PRP4K: variants seen among roughly 807,000 people sequenced by gnomAD.
PRP4K encodes the protein pre-mRNA processing factor kinase PRP4K.
the PRP4K span, among the ~76,000 whole-genome samples, chr6:4,038,055 G>A: frequency 6.6e-6 from 1 of 151,818 alleles, no homozygotes; most frequent in Admixed American, 6.5e-5. Context: ...ATAAAGCAGG[G>A]AATCATTTTT....
the PRP4K span, chr6:4,056,390 A>G: frequency 9.9e-6 from 16 of 1,614,034 alleles, no homozygotes; most frequent in Non-Finnish European, 1.3e-5. Context: ...GGATAATGAC[A>G]TAACACCTTA....
At chr6:4,043,891 C>T in the PRP4K span, 1 of 1,614,020 alleles carries the variant, frequency 6.2e-7, no homozygotes, top group Non-Finnish European at 8.5e-7. Flanking sequence ...TACGAGAACA[C>T]GATCACCATC....
the PRP4K span, chr6:4,049,214 A>G: frequency 2.0e-6 from 2 of 1,022,656 alleles, no homozygotes; most frequent in African/African-American, 1.7e-5. Flanking sequence ...ATCACATCAC[A>G]GTGCCATCTT....
chr6:4,053,552 G>A, the PRP4K span, among the ~76,000 whole-genome samples: 1 of 74,376 alleles, frequency 1.3e-5, no homozygotes, highest in Non-Finnish European at 2.8e-5. Context: ...GTGACTTCTG[G>A]TGGTAACAGC....
chr6:4,056,143 A>G, the PRP4K span, among the ~76,000 whole-genome samples: 1 of 152,254 alleles, frequency 6.6e-6, no homozygotes, highest in Non-Finnish European at 1.5e-5. Flanking sequence ...TATTTGATAC[A>G]TATTAACTTT....
chr6:4,024,359 A>G, the PRP4K span, among the ~76,000 whole-genome samples: 2 of 152,074 alleles, frequency 1.3e-5, no homozygotes, highest in African/African-American at 4.8e-5. Context: ...ATACATTTTA[A>G]CTTGTCAGAG....
the PRP4K span, among the ~76,000 whole-genome samples, chr6:4,048,378 CAA>C: frequency 5.1e-3 from 504 of 98,892 alleles, 6 homozygotes; most frequent in Admixed American, 0.03. Flanking sequence ...GACTCCGTCT[CAA>C]AAAAAAAAAA....
chr6:4,032,187 A>G, the PRP4K span: 1 of 1,614,012 alleles, frequency 6.2e-7, no homozygotes. Context: ...GAAAAAATCT[A>G]AAAGCCCATC....
chr6:4,028,442 A>G, the PRP4K span, among the ~76,000 whole-genome samples: 5 of 152,144 alleles, frequency 3.3e-5, no homozygotes, highest in African/African-American at 1.2e-4. Flanking sequence ...CCTGGGCTCA[A>G]GGAATCCTCC....
At chr6:4,050,837 C>G in the PRP4K span, among the ~76,000 whole-genome samples, 1 of 152,158 alleles carries the variant, frequency 6.6e-6, no homozygotes, top group Admixed American at 6.5e-5. Flanking sequence ...AGAATTTCCT[C>G]AGATAACCAA....
the PRP4K span, chr6:4,037,369 C>T: frequency 6.6e-7 from 1 of 1,518,602 alleles, no homozygotes; most frequent in Non-Finnish European, 8.8e-7. Context: ...ATTTATATTT[C>T]TTTTAACTTG....
chr6:4,064,351 C>T, the PRP4K span: 1 of 152,404 alleles, frequency 6.6e-6, no homozygotes, highest in Admixed American at 6.6e-5. Context: ...TCCATATTTG[C>T]ATTCCTCTTA....
At chr6:4,048,902 G>T in the PRP4K span, 128 of 548,316 alleles carry the variant, frequency 2.3e-4, no homozygotes, top group Middle Eastern at 1.5e-3. Flanking sequence ...TATTTAATTT[G>T]GAATAAAATG....
At chr6:4,056,641 A>G in the PRP4K span, 14 of 1,575,670 alleles carry the variant, frequency 8.9e-6, no homozygotes, top group Non-Finnish European at 1.2e-5. Flanking sequence ...GTAGCAAAAC[A>G]GTTGTGGAAA....
the PRP4K span, among the ~76,000 whole-genome samples, chr6:4,036,418 C>T: frequency 6.6e-6 from 1 of 152,146 alleles, no homozygotes; most frequent in Non-Finnish European, 1.5e-5. Flanking sequence ...GATAGGGTTT[C>T]GCCATGTTAC....
the PRP4K span, among the ~76,000 whole-genome samples, chr6:4,024,453 C>T: frequency 6.6e-6 from 1 of 152,174 alleles, no homozygotes; most frequent in Admixed American, 6.5e-5. Flanking sequence ...AATTGTCTAG[C>T]TTAAAAACGG....
chr6:4,032,123 G>A, the PRP4K span: 76 of 1,613,118 alleles, frequency 4.7e-5, no homozygotes, highest in Non-Finnish European at 6.1e-5. Context: ...AGAAAAGTAA[G>A]GGGGGTATTG....
At chr6:4,045,398 CCCA>C in the PRP4K span, among the ~76,000 whole-genome samples, 1 of 152,148 alleles carries the variant, frequency 6.6e-6, no homozygotes, top group Non-Finnish European at 1.5e-5. Context: ...GCATGTCCTG[CCCA>C]GAGCAGAATC....
chr6:4,028,829 C>T, the PRP4K span, among the ~76,000 whole-genome samples: 1 of 152,130 alleles, frequency 6.6e-6, no homozygotes, highest in South Asian at 2.1e-4. Flanking sequence ...GTCATACCGC[C>T]ATTCTCTCTC....
Sources: gnomAD v4.1 joint callset for allele counts (sites outside exome capture counted in the v4.1 genomes callset) on GRCh38, gnomAD v4.1.1 for gene constraint, MANE v1.5 for transcripts, NCBI Gene and HGNC (gene_info 2026-07-23, HGNC 2026-07-21) for gene names.